The following RAD51 variants were observed in gnomAD, a reference collection of about 807,000 sequenced individuals.
RAD51 encodes the protein RAD51 recombinase.
Under a neutral mutation model 41.5 loss-of-function variants are expected in RAD51, and 14 were observed. The observed-to-expected ratio is 0.34, with a 90% confidence interval of 0.22 to 0.53. The LOEUF (loss-of-function observed/expected upper bound fraction) is 0.53, where lower values mean the gene tolerates loss of function less well. Among genes scored for constraint, RAD51 ranks in the 20% least tolerant of loss-of-function variants. The probability of loss-of-function intolerance (pLI) is 0.95; values close to 1 mark genes in which losing one functional copy is unlikely to be tolerated. For synonymous variants in RAD51, 136 were observed against 148.6 expected, an observed-to-expected ratio of 0.92 and a Z score of 0.62; for missense variants, 234 against 422.0, an observed-to-expected ratio of 0.55 and a Z score of 3.90.
At chr15:40,712,555 T>C (rs910193840) in intron 5 of RAD51, among the ~76,000 whole-genome samples, 2 of 152,228 alleles carry the variant, frequency 1.3e-5, no homozygotes, top group Non-Finnish European at 2.9e-5. Context: ...CTTGTCTAAG[T>C]GAGTCTTAAT....
intron 3 of RAD51, among the ~76,000 whole-genome samples, chr15:40,705,020 G>A (rs1289584018): frequency 1.3e-5 from 2 of 151,564 alleles, no homozygotes; most frequent in African/African-American, 4.9e-5. Context: ...TTGTTACTCA[G>A]GCTGGTCTCA....
At chr15:40,715,859 T>G (rs1895961040) in intron 5 of RAD51, among the ~76,000 whole-genome samples, 2 of 152,230 alleles carry the variant, frequency 1.3e-5, no homozygotes, top group Admixed American at 1.3e-4. Flanking sequence ...TCTTATTTCC[T>G]GGGGACTTAG....
rs918597825 is a variant in RAD51 at position 40,732,177 on chromosome 15, T to A, written c.*999T>A. 3 of 185,834 alleles carry A rather than the reference T, an allele frequency of 1.6e-5. No homozygotes were observed. Among genetic ancestry groups the A allele is most frequent in the African/African-American group, 7.0e-5 (3 of 42,658 alleles). 11.5% of individuals were successfully genotyped at this position (185,834 alleles called of 1,614,324 possible). A position where few individuals can be genotyped will look rare whatever the true frequency, so the allele number is the denominator to read the frequency against. Reference sequence around the variant, plus strand: ...TAGTGAATGTGCTGTTTATAGCAATTATTGCAGTGCAAGCTATTTCAAGAC... The same window carrying A: ...TAGTGAATGTGCTGTTTATAGCAATAATTGCAGTGCAAGCTATTTCAAGAC... On this transcript the variant is annotated 3_prime_UTR_variant, in exon 10 of 10. Coordinates refer to ENST00000267868, the MANE Select transcript of RAD51 (RefSeq NM_002875.5).
In RAD51 at chr15:40,717,336, C is replaced by T. The variant is rs1896040677; in HGVS notation, c.436-1469C>T. ...CTGGGCAACAAGAGCGAAACTCCGTCTCAGAAAAAAAAGAAAGAAAAAATT... is the reference window on the plus strand; with the variant it reads ...CTGGGCAACAAGAGCGAAACTCCGTTTCAGAAAAAAAAGAAAGAAAAAATT... On this transcript the variant is annotated intron_variant, in intron 5 of 9. Transcript: ENST00000267868. Among the ~76,000 whole-genome samples, 2 of 151,762 alleles carry T rather than the reference C, an allele frequency of 1.3e-5. 1 individual carries two copies. The highest frequency in any genetic ancestry group is 1.3e-4 in the Admixed American group (2 of 15,230).
At chr15:40,700,963 C>A (rs2141818800) in intron 2 of RAD51, 101 bp from the exon 3 acceptor site, 134 of 765,308 alleles carry the variant, frequency 1.8e-4, no homozygotes, top group East Asian at 3.9e-4. Context: ...AGTTGTATTA[C>A]AAGTCTTCAA....
chr15:40,728,548 T>C (rs1429805301), intron 6 of RAD51, 163 bp from the exon 7 acceptor site: 4 of 727,878 alleles, frequency 5.5e-6, no homozygotes, highest in Non-Finnish European at 1.0e-5. Context: ...GCTTATAGTT[T>C]GCCTGAACTT....
chr15:40,709,231 A>C, intron 5 of RAD51, 115 bp downstream of exon 5: 2 of 840,842 alleles, frequency 2.4e-6, no homozygotes, highest in Non-Finnish European at 3.9e-6. Context: ...CAAGAATCTT[A>C]TAGCTGTTAA....
intron 3 of RAD51, among the ~76,000 whole-genome samples, chr15:40,701,523 G>C (rs2141820377): frequency 6.6e-6 from 1 of 151,256 alleles, no homozygotes; most frequent in Middle Eastern, 3.4e-3. Context: ...TACACTACAG[G>C]CACATGCCAC....
At chr15:40,698,508 A>G (rs1444827995) in intron 1 of RAD51, among the ~76,000 whole-genome samples, 3 of 152,174 alleles carry the variant, frequency 2.0e-5, no homozygotes, top group East Asian at 1.9e-4. Flanking sequence ...TTTAGATTCT[A>G]CATATGAGTG....
At chr15:40,715,563 GA>G (rs905284224) in intron 5 of RAD51, among the ~76,000 whole-genome samples, 44 of 152,186 alleles carry the variant, frequency 2.9e-4, no homozygotes, top group Non-Finnish European at 5.6e-4. Flanking sequence ...CAGTTATTAA[GA>G]AGAGCTAACC....
At chr15:40,724,892 T>C (rs1896494448) in intron 6 of RAD51, among the ~76,000 whole-genome samples, 1 of 116,008 alleles carries the variant, frequency 8.6e-6, no homozygotes, top group Non-Finnish European at 1.8e-5. Context: ...TTTTTTAATT[T>C]TTTTTTTTTT....
intron 2 of RAD51, 152 bp downstream of exon 2, chr15:40,698,997 G>C: frequency 1.3e-6 from 1 of 749,006 alleles, no homozygotes; most frequent in Non-Finnish European, 2.3e-6. Context: ...CTGTGGAAAG[G>C]CTGCAGATCA....
rs140524566 is a variant in RAD51 at position 40,701,120 on chromosome 15, T to C, written c.144T>C (p.Thr48=). Residue 48 remains threonine (T), a synonymous_variant, in exon 3 of 10, where the codon ACT becomes ACC. Coordinates refer to ENST00000267868, the MANE Select transcript of RAD51 (RefSeq NM_002875.5). ...VKKLEEAGFH[T]VEAVAYAPKK... Reference sequence around the variant, plus strand: ...AATTGGAAGAAGCTGGATTCCATACTGTGGAGGCTGTTGCCTATGCGCCAA... The same window carrying C: ...AATTGGAAGAAGCTGGATTCCATACCGTGGAGGCTGTTGCCTATGCGCCAA... 1.1e-4 allele frequency: 180 copies of C among 1,614,244 alleles called. 1 individual carries two copies. Among genetic ancestry groups the C allele is most frequent in the Middle Eastern group, 9.9e-4 (6 of 6,062 alleles).
chr15:40,697,736 A>G (rs1475011833), intron 1 of RAD51, among the ~76,000 whole-genome samples: 1 of 151,796 alleles, frequency 6.6e-6, no homozygotes, highest in Non-Finnish European at 1.5e-5. Context: ...ATTTTTTAGT[A>G]GAGACAGGGT....
At chr15:40,708,782 C>T (rs1895514770) in intron 4 of RAD51, among the ~76,000 whole-genome samples, 1 of 152,084 alleles carries the variant, frequency 6.6e-6, no homozygotes, top group East Asian at 1.9e-4. Context: ...CCATGTTGCC[C>T]AGGCTGGTCT....
chr15:40,702,084 A>T (rs1211620412), intron 3 of RAD51, among the ~76,000 whole-genome samples: 1 of 151,720 alleles, frequency 6.6e-6, no homozygotes, highest in African/African-American at 2.4e-5. Flanking sequence ...GCCCCACCGC[A>T]AATATTTATT....
At chr15:40,729,669 T>A in intron 8 of RAD51, 35 bp downstream of exon 8, 2 of 1,613,096 alleles carry the variant, frequency 1.2e-6, no homozygotes, top group Non-Finnish European at 1.7e-6. Flanking sequence ...AATGCCTACT[T>A]TCAGTGGCTG....
At chr15:40,698,708 G>A in intron 1 of RAD51, 49 bp from the exon 2 acceptor site, 1 of 1,519,692 alleles carries the variant, frequency 6.6e-7, no homozygotes, top group South Asian at 1.1e-5. Context: ...GGAGAGAGAT[G>A]CACCTTATTT....
At chr15:40,714,196 T>C (rs889795712) in intron 5 of RAD51, among the ~76,000 whole-genome samples, 49 of 152,044 alleles carry the variant, frequency 3.2e-4, no homozygotes, top group African/African-American at 1.1e-3. Context: ...AGACCTTTTA[T>C]GATAATAAGG....
Sources: allele counts gnomAD v4.1 joint callset (sites outside exome capture counted in the v4.1 genomes callset), GRCh38; gene constraint gnomAD v4.1.1; transcripts MANE v1.5; gene names NCBI Gene and HGNC (gene_info 2026-07-23, HGNC 2026-07-21).